The following SOX5 variants were observed in gnomAD, a reference collection of about 807,000 sequenced individuals.
The protein encoded by SOX5 is SRY-box transcription factor 5.
Under a neutral mutation model 92.0 loss-of-function variants are expected in SOX5, and 9 were observed. The ratio of observed to expected loss-of-function variants is 0.10; its 90% CI spans 0.06 to 0.17. The LOEUF (loss-of-function observed/expected upper bound fraction) is 0.17. SOX5 is among the 10% of genes least tolerant of loss of function. SOX5 has a pLI of 1.00. For synonymous variants in SOX5, 344 were observed against 336.3 expected (o/e 1.02, Z -0.25); for missense variants, 642 against 944.5 (o/e 0.68, Z 4.20).
At chr12:24,134,434 A>G (rs572326565) in intron 4 of SOX5, among the ~76,000 whole-genome samples, 1 of 152,314 alleles carries the variant, frequency 6.6e-6, no homozygotes, top group African/African-American at 2.4e-5. Flanking sequence ...AGCATTGATT[A>G]TACTTGTTTC....
intron 3 of SOX5, among the ~76,000 whole-genome samples, chr12:23,776,387 G>A (rs1046168305): frequency 5.9e-5 from 9 of 152,088 alleles, no homozygotes; most frequent in Non-Finnish European, 1.2e-4. Flanking sequence ...TTTTAAAGAA[G>A]GATATGACTG....
intron 6 of SOX5, among the ~76,000 whole-genome samples, chr12:23,698,821 A>G (rs2090238084): frequency 6.6e-6 from 1 of 152,122 alleles, no homozygotes; most frequent in Admixed American, 6.5e-5. Context: ...ACCTGTTTTT[A>G]AGGTCTGGTC....
At chr12:24,207,099 G>A (rs1262363419) in intron 4 of SOX5, among the ~76,000 whole-genome samples, 2 of 152,188 alleles carry the variant, frequency 1.3e-5, no homozygotes, top group Non-Finnish European at 2.9e-5. Context: ...TGTAACATCA[G>A]TGTGTTTAAC....
chr12:24,118,525 T>C (rs1264690822), intron 4 of SOX5, among the ~76,000 whole-genome samples: 1 of 152,078 alleles, frequency 6.6e-6, no homozygotes, highest in East Asian at 1.9e-4. Flanking sequence ...TCATTAAACA[T>C]CTTGATAACA....
chr12:23,770,449 G>A (rs2094895887), intron 3 of SOX5, among the ~76,000 whole-genome samples: 1 of 152,122 alleles, frequency 6.6e-6, no homozygotes, highest in Admixed American at 6.5e-5. Context: ...CACTGTGTGT[G>A]TGATTTCATA....
chr12:24,548,210 G>A (rs1265768052), intron 1 of SOX5, among the ~76,000 whole-genome samples: 1 of 152,206 alleles, frequency 6.6e-6, no homozygotes, highest in African/African-American at 2.4e-5. Context: ...CTACAGCATC[G>A]ATGTCCCTTG....
At chr12:24,200,129 CAT>C (rs1957374566) in intron 4 of SOX5, among the ~76,000 whole-genome samples, 2 of 152,300 alleles carry the variant, frequency 1.3e-5, no homozygotes, top group South Asian at 4.1e-4. Context: ...GCTCTAATCT[CAT>C]ATGTGTCATA....
intron 3 of SOX5, among the ~76,000 whole-genome samples, chr12:23,830,611 TC>T (rs1404838264): frequency 6.6e-6 from 1 of 152,182 alleles, no homozygotes; most frequent in Non-Finnish European, 1.5e-5. Flanking sequence ...TTTCCCCTGA[TC>T]CGTTCACTTT....
rs555686064 is a variant in SOX5 at position 23,867,682 on chromosome 12, T to A, written c.271-21489A>T. Among the ~76,000 whole-genome samples the A allele has an allele frequency of 1.4e-4, 22 of 152,110 alleles. No individual in the cohort carries two copies. The South Asian group carries it at 4.6e-3, about 32-fold the overall frequency. ...TACTACTGCCTGACACTGAAATGAA[T>A]TAAGTGGGTTGGATCTATCCCCATA... is the stretch of plus-strand genomic sequence containing the variant. On this transcript the variant is annotated intron_variant, in intron 2 of 14. Coordinates refer to ENST00000451604, the MANE Select transcript of SOX5 (RefSeq NM_006940.6).
chr12:24,270,917 G>C (rs1943650349), intron 3 of SOX5, among the ~76,000 whole-genome samples: 1 of 152,140 alleles, frequency 6.6e-6, no homozygotes, highest in Non-Finnish European at 1.5e-5. Context: ...CCAACTTGCT[G>C]ATTACAGCTG....
chr12:24,035,508 C>G (rs1385448132), intron 4 of SOX5, among the ~76,000 whole-genome samples: 1 of 151,980 alleles, frequency 6.6e-6, no homozygotes, highest in Non-Finnish European at 1.5e-5. Flanking sequence ...ATACAGCAAT[C>G]AAGAAACAAC....
intron 8 of SOX5, among the ~76,000 whole-genome samples, chr12:23,626,302 T>G (rs1285884724): frequency 6.6e-6 from 1 of 152,172 alleles, no homozygotes; most frequent in African/African-American, 2.4e-5. Flanking sequence ...GTCCAACTTG[T>G]CATTTACTTA....
chr12:23,797,620 G>T (rs1309910498), intron 3 of SOX5, among the ~76,000 whole-genome samples: 1 of 151,960 alleles, frequency 6.6e-6, no homozygotes, highest in Non-Finnish European at 1.5e-5. Context: ...ATATGATTTT[G>T]GATTAAAAAT....
chr12:23,751,235 T>A (rs1338608385), intron 4 of SOX5, among the ~76,000 whole-genome samples: 1 of 151,894 alleles, frequency 6.6e-6, no homozygotes, highest in Non-Finnish European at 1.5e-5. Context: ...AATAAACATT[T>A]CCAACCCCTT....
chr12:24,451,889 A>G (rs542219045), intron 1 of SOX5, among the ~76,000 whole-genome samples: 62 of 152,340 alleles, frequency 4.1e-4, no homozygotes, highest in African/African-American at 1.4e-3. Flanking sequence ...TAGAAAAGTA[A>G]TAATTTGTAT....
At chr12:23,954,994 C>G (rs1292676126), upstream of SOX5, among the ~76,000 whole-genome samples, 3 of 151,940 alleles carry the variant, frequency 2.0e-5, no homozygotes, top group Admixed American at 2.0e-4. Flanking sequence ...ATAATAAAAG[C>G]CATTATCTCA....
chr12:23,874,112 T>C (rs1055765978), intron 2 of SOX5, among the ~76,000 whole-genome samples: 1 of 152,182 alleles, frequency 6.6e-6, no homozygotes, highest in Admixed American at 6.5e-5. Flanking sequence ...TGAGAAAATG[T>C]ATAAAGCCAA....
intron 4 of SOX5, among the ~76,000 whole-genome samples, chr12:23,752,970 G>A (rs1277063332): frequency 6.6e-6 from 1 of 151,696 alleles, no homozygotes; most frequent in Non-Finnish European, 1.5e-5. Context: ...GCATAAAATG[G>A]CATGAATTCT....
intron 1 of SOX5, among the ~76,000 whole-genome samples, chr12:24,542,675 A>G (rs968260793): frequency 6.6e-6 from 1 of 152,244 alleles, no homozygotes; most frequent in Non-Finnish European, 1.5e-5. Flanking sequence ...TTAACTAAAT[A>G]TGACATAATT....
Sources: allele counts gnomAD v4.1 joint callset (sites outside exome capture counted in the v4.1 genomes callset), GRCh38; gene constraint gnomAD v4.1.1; transcripts MANE v1.5; gene names NCBI Gene and HGNC (gene_info 2026-07-23, HGNC 2026-07-21).